ADGRL4: variants seen among roughly 807,000 people sequenced by gnomAD.
The protein encoded by ADGRL4 is adhesion G protein-coupled receptor L4.
In ADGRL4, 90 loss-of-function variants were observed where a neutral mutation model predicts 74.8. The observed-to-expected ratio is 1.20, with a 90% CI of 1.02 to 1.43. The LOEUF is 1.43. Among genes scored for constraint, ADGRL4 ranks in the 40% most tolerant of loss-of-function variants. The probability of loss-of-function intolerance (pLI) is 0.00; values close to 1 mark genes in which losing one functional copy is unlikely to be tolerated. For synonymous variants in ADGRL4, 311 were observed against 279.2 expected (o/e 1.11, Z -1.14); for missense variants, 881 against 814.3 (o/e 1.08, Z -1.00).
intron 2 of ADGRL4, among the ~76,000 whole-genome samples, chr1:78,956,764 T>A (rs934717293): frequency 1.3e-5 from 2 of 152,080 alleles, no homozygotes; most frequent in African/African-American, 4.8e-5. Context: ...CCCTTGTAAA[T>A]AATGAGACAA....
At chr1:78,971,539 A>G (rs1050222224) in intron 2 of ADGRL4, among the ~76,000 whole-genome samples, 6 of 152,128 alleles carry the variant, frequency 3.9e-5, no homozygotes, top group African/African-American at 1.4e-4. Flanking sequence ...GGCAGGAAGC[A>G]CACTAGCAGG....
At chr1:79,002,248 T>C (rs1431851968) in intron 2 of ADGRL4, among the ~76,000 whole-genome samples, 1 of 152,138 alleles carries the variant, frequency 6.6e-6, no homozygotes, top group Non-Finnish European at 1.5e-5. Context: ...CAGCTTGCTA[T>C]TGCTCAAAAC....
intron 2 of ADGRL4, among the ~76,000 whole-genome samples, chr1:78,955,568 A>G (rs1649812268): frequency 6.6e-6 from 1 of 151,998 alleles, no homozygotes; most frequent in African/African-American, 2.4e-5. Context: ...TTTTTCCTAC[A>G]ATAAAATCTC....
intron 12 of ADGRL4, among the ~76,000 whole-genome samples, chr1:78,907,022 G>A (rs376072688): frequency 2.0e-5 from 3 of 151,870 alleles, no homozygotes; most frequent in Non-Finnish European, 2.9e-5. Context: ...GAAATTCAGG[G>A]CATGGAAAGA....
In ADGRL4 at chr1:78,890,209, T is replaced by C. The variant is rs186557321; in HGVS notation, c.*945A>G. The C allele has an allele frequency of 3.9e-5, 6 of 152,854 alleles. No homozygotes were observed. The highest frequency in any genetic ancestry group is 1.4e-4 in the African/African-American group (6 of 41,468). The allele number at this position is 152,854 out of a possible 1,614,324, so 9.5% of individuals were successfully genotyped here. On this transcript the variant is annotated 3_prime_UTR_variant, in exon 15 of 15. Transcript: ENST00000370742. ...TAGTAAATTAAAGGGAATATTGCAA[T>C]GTGAACTGTGATATTTATAAAATTA...
intron 2 of ADGRL4, among the ~76,000 whole-genome samples, chr1:78,982,038 T>A (rs1650406771): frequency 6.6e-6 from 1 of 151,898 alleles, no homozygotes; most frequent in East Asian, 1.9e-4. Context: ...GGTAGTTCGC[T>A]TCTTTGAACC....
chr1:78,894,194 C>T (rs943346595), intron 12 of ADGRL4, among the ~76,000 whole-genome samples: 17 of 151,746 alleles, frequency 1.1e-4, no homozygotes, highest in Admixed American at 6.6e-5. Flanking sequence ...TTTCTTTTTT[C>T]TATCTTCTAA....
intron 2 of ADGRL4, among the ~76,000 whole-genome samples, chr1:78,964,162 G>A (rs1215953212): frequency 6.6e-6 from 1 of 152,112 alleles, no homozygotes; most frequent in Non-Finnish European, 1.5e-5. Flanking sequence ...ATACTTAAGA[G>A]CAAAGGAGAC....
At chr1:78,995,884 A>C (rs2100738171) in intron 2 of ADGRL4, among the ~76,000 whole-genome samples, 1 of 152,290 alleles carries the variant, frequency 6.6e-6, no homozygotes, top group South Asian at 2.1e-4. Flanking sequence ...AGAAACACTA[A>C]AATTTATTAT....
intron 3 of ADGRL4, among the ~76,000 whole-genome samples, chr1:78,941,310 A>T (rs968539123): frequency 9.2e-5 from 14 of 152,222 alleles, no homozygotes; most frequent in Non-Finnish European, 1.6e-4. Flanking sequence ...TGAGAAAGCT[A>T]TATAGGACTA....
Position 78,889,831 on chromosome 1 carries a change from T to C in ADGRL4, c.*1323A>G, listed in dbSNP as rs1384358168. ...GACTTCATTTCAACAGCTGGAGGAA[T>C]TAATTTAAAATCACAAATTTAGTGT... On this transcript the variant is annotated 3_prime_UTR_variant, in exon 15 of 15. Transcript: ENST00000370742. The C allele has an allele frequency of 2.2e-6, 1 of 464,008 alleles. No homozygotes were observed. The highest frequency in any genetic ancestry group is 2.0e-5 in the African/African-American group (1 of 49,828). 28.7% of individuals were successfully genotyped at this position (464,008 alleles called of 1,614,324 possible). A position where few individuals can be genotyped will look rare whatever the true frequency, so the allele number is the denominator to read the frequency against.
intron 12 of ADGRL4, among the ~76,000 whole-genome samples, chr1:78,912,679 G>C (rs1037657086): frequency 3.3e-5 from 5 of 151,694 alleles, no homozygotes; most frequent in Admixed American, 2.0e-4. Flanking sequence ...TCATAAAACT[G>C]CCAGAACAGA....
intron 2 of ADGRL4, among the ~76,000 whole-genome samples, chr1:78,980,492 G>A (rs1650376958): frequency 6.6e-6 from 1 of 151,894 alleles, no homozygotes; most frequent in South Asian, 2.1e-4. Context: ...TTGTAAAACA[G>A]TTCTGACTTC....
Position 78,946,348 on chromosome 1 carries a change from C to G in ADGRL4, c.251G>C (p.Cys84Ser). 1 of 1,613,340 alleles carries G rather than the reference C, an allele frequency of 6.2e-7. No individual in the cohort carries two copies. Among genetic ancestry groups the G allele is most frequent in the Non-Finnish European group, 8.5e-7 (1 of 1,179,576 alleles). Residue 84 changes from cysteine (C) to serine (S), a missense_variant, in exon 3 of 15, where the codon TGT becomes TCT. Coordinates refer to ENST00000370742, the MANE Select transcript of ADGRL4 (RefSeq NM_022159.4). Reference sequence around the variant, plus strand: ...GGATCTGAAGCCAGGTACACACATACAATAATAACTTCCTTCTGTGTTAGT... The same window carrying G: ...GGATCTGAAGCCAGGTACACACATAGAATAATAACTTCCTTCTGTGTTAGT... Reference protein sequence around the residue: ...NCTNTEGSYYCMCVPGFRSSS... With the variant: ...NCTNTEGSYYSMCVPGFRSSS...
chr1:78,989,077 A>C (rs1650553592), intron 2 of ADGRL4, among the ~76,000 whole-genome samples: 1 of 151,784 alleles, frequency 6.6e-6, no homozygotes, highest in South Asian at 2.1e-4. Context: ...AAAAATATTT[A>C]AAATTTTATA....
intron 12 of ADGRL4, among the ~76,000 whole-genome samples, chr1:78,912,566 CTG>C (rs1648784092): frequency 6.6e-6 from 1 of 151,828 alleles, no homozygotes; most frequent in Non-Finnish European, 1.5e-5. Context: ...CCTCAACAAT[CTG>C]TGGAAAAATC....
At position 78,946,346 on chromosome 1, in the gene ADGRL4, T is replaced by TA. The variant is rs1259868661; in HGVS notation, c.252dup (p.Met85TyrfsTer11). 2.5e-6 allele frequency: 4 copies of TA among 1,613,324 alleles called. No homozygotes were observed. The South Asian group carries it at 4.4e-5, about 18-fold the overall frequency. On this transcript the variant is annotated frameshift_variant, in exon 3 of 15. Coordinates refer to ENST00000370742, the MANE Select transcript of ADGRL4 (RefSeq NM_022159.4). LOFTEE classifies it high-confidence loss of function. ...CTGGATCTGAAGCCAGGTACACACA[T>TA]ACAATAATAACTTCCTTCTGTGTTA... is the stretch of plus-strand genomic sequence containing the variant.
chr1:78,976,712 ACAAT>A (rs1650290627), intron 2 of ADGRL4, among the ~76,000 whole-genome samples: 1 of 126,060 alleles, frequency 7.9e-6, no homozygotes, highest in African/African-American at 3.0e-5. Flanking sequence ...AAAAACACAA[ACAAT>A]CAAAGCTTGT....
chr1:79,005,264 C>T (rs779071274), intron 1 of ADGRL4, 45 bp from the exon 2 acceptor site: 4 of 1,390,288 alleles, frequency 2.9e-6, no homozygotes, highest in Non-Finnish European at 3.9e-6. Flanking sequence ...GTAAAACAAA[C>T]ATCTCTCCCC....
Sources: gnomAD v4.1 joint callset for allele counts (sites outside exome capture counted in the v4.1 genomes callset) on GRCh38, gnomAD v4.1.1 for gene constraint, MANE v1.5 for transcripts, NCBI Gene and HGNC (gene_info 2026-07-23, HGNC 2026-07-21) for gene names.